Variants in COL25A1 observed in about 807,000 individuals in gnomAD.
The protein encoded by COL25A1 is collagen alpha-1(XXV) chain.
Under a neutral mutation model 128.4 loss-of-function variants are expected in COL25A1, and 103 were observed. The ratio of observed to expected loss-of-function variants is 0.80; its 90% CI spans 0.68 to 0.94. The LOEUF (loss-of-function observed/expected upper bound fraction) is 0.94, where lower values mean the gene tolerates loss of function less well. Ranked by LOEUF, COL25A1 falls within the 40% of genes least tolerant of loss-of-function variation. The pLI is 0.00. For missense variants in COL25A1, 745 were observed against 840.0 expected (o/e 0.89, Z 1.40); for synonymous variants, 279 against 277.2 (o/e 1.01, Z -0.06).
chr4:108,819,824 T>C (rs1731607875), intron 35 of COL25A1: 3 of 1,230,930 alleles, frequency 2.4e-6, no homozygotes, highest in Admixed American at 4.2e-5. Context: ...ACGGGCAGGG[T>C]GCATCTAATC....
intron 3 of COL25A1, among the ~76,000 whole-genome samples, chr4:109,228,060 A>G (rs1778921601): frequency 6.6e-6 from 1 of 152,178 alleles, no homozygotes; most frequent in East Asian, 1.9e-4. Context: ...CCCCAGCGGC[A>G]GAAGAAAAGT....
intron 3 of COL25A1, among the ~76,000 whole-genome samples, chr4:109,108,123 G>A (rs1225186926): frequency 6.6e-6 from 1 of 152,146 alleles, no homozygotes; most frequent in African/African-American, 2.4e-5. Context: ...TTGGTGTGCT[G>A]CACCCACTAA....
chr4:108,870,078 C>T (rs920082441), intron 19 of COL25A1, among the ~76,000 whole-genome samples: 6 of 151,910 alleles, frequency 3.9e-5, no homozygotes, highest in Admixed American at 2.6e-4. Flanking sequence ...CATAGGGAGA[C>T]CCCCGTTCTG....
At chr4:108,859,827 C>A in intron 23 of COL25A1, 94 bp from the exon 24 acceptor site, 1 of 809,174 alleles carries the variant, frequency 1.2e-6, no homozygotes, top group East Asian at 2.6e-5. Flanking sequence ...ACAGCTCTCT[C>A]TGAATATCAT....
intron 3 of COL25A1, among the ~76,000 whole-genome samples, chr4:109,139,009 T>C (rs1188022982): frequency 1.3e-5 from 2 of 152,170 alleles, no homozygotes; most frequent in Non-Finnish European, 2.9e-5. Flanking sequence ...ACCCAGCCTT[T>C]TCTAACTGGC....
At chr4:108,823,822 C>T (rs984932669) in intron 35 of COL25A1, 19 of 979,424 alleles carry the variant, frequency 1.9e-5, no homozygotes, top group South Asian at 1.0e-4. Flanking sequence ...GTTCAATGAG[C>T]TCTGCCAAAT....
chr4:108,870,289 C>T (rs1578607286), intron 19 of COL25A1, among the ~76,000 whole-genome samples: 1 of 151,986 alleles, frequency 6.6e-6, no homozygotes, highest in Non-Finnish European at 1.5e-5. Flanking sequence ...ACTAAAATGT[C>T]ATCAAATATT....
intron 3 of COL25A1, among the ~76,000 whole-genome samples, chr4:109,095,329 C>G (rs1765297803): frequency 6.6e-6 from 1 of 152,080 alleles, no homozygotes; most frequent in Admixed American, 6.5e-5. Context: ...TTCTTTAGAA[C>G]AAAGTAGATG....
At chr4:109,236,953 G>A (rs1779520245) in intron 3 of COL25A1, among the ~76,000 whole-genome samples, 1 of 151,906 alleles carries the variant, frequency 6.6e-6, no homozygotes, top group African/African-American at 2.4e-5. Flanking sequence ...TTGTTATACA[G>A]TTTCACATTA....
intron 8 of COL25A1, among the ~76,000 whole-genome samples, chr4:108,966,026 C>T (rs182451760): frequency 3.9e-5 from 6 of 152,198 alleles, no homozygotes; most frequent in African/African-American, 9.6e-5. Context: ...ATAATATATA[C>T]AATTTTCGAA....
At chr4:109,057,008 T>C (rs1320582204) in intron 3 of COL25A1, among the ~76,000 whole-genome samples, 1 of 152,092 alleles carries the variant, frequency 6.6e-6, no homozygotes, top group Non-Finnish European at 1.5e-5. Flanking sequence ...TACAGGCACA[T>C]ACCACCACAA....
intron 3 of COL25A1, among the ~76,000 whole-genome samples, chr4:109,293,770 T>G (rs370371376): frequency 2.0e-5 from 3 of 152,172 alleles, no homozygotes; most frequent in South Asian, 4.1e-4. Flanking sequence ...AAATAAAAAA[T>G]GCGCTTCAAA....
intron 31 of COL25A1, among the ~76,000 whole-genome samples, chr4:108,832,978 A>AATAAATAAATAAATAAATACATAC (rs1205113423): frequency 2.1e-4 from 32 of 151,056 alleles, no homozygotes; most frequent in East Asian, 1.2e-3. Flanking sequence ...AAAAATAATA[A>AATAAATAAATAAATAAATACATAC]ATAAATAAAT....
intron 12 of COL25A1, among the ~76,000 whole-genome samples, chr4:108,919,638 T>TG (rs1745270763): frequency 6.6e-6 from 1 of 152,072 alleles, no homozygotes; most frequent in South Asian, 2.1e-4. Flanking sequence ...GGTGTAAGGA[T>TG]GGGGGAATGA....
At chr4:109,218,466 A>G (rs1778210040) in intron 3 of COL25A1, among the ~76,000 whole-genome samples, 1 of 149,852 alleles carries the variant, frequency 6.7e-6, no homozygotes, top group South Asian at 2.1e-4. Context: ...ACCCAGGACA[A>G]TCCAGCCTCT....
intron 34 of COL25A1, 57 bp from the exon 35 acceptor site, chr4:108,824,284 A>G: frequency 8.6e-7 from 1 of 1,157,244 alleles, no homozygotes; most frequent in Non-Finnish European, 1.3e-6. Flanking sequence ...GCAAAATCAT[A>G]TAGAAACAAA....
intron 5 of COL25A1, among the ~76,000 whole-genome samples, chr4:109,019,373 CACAT>C (rs1191102767): frequency 0.043 from 1,382 of 31,846 alleles, 47 homozygotes; most frequent in Non-Finnish European, 0.05. Flanking sequence ...CACACACACA[CACAT>C]ATATATATAT....
intron 18 of COL25A1, among the ~76,000 whole-genome samples, chr4:108,885,021 A>G (rs1000306829): frequency 3.3e-5 from 5 of 152,228 alleles, no homozygotes; most frequent in African/African-American, 1.2e-4. Context: ...AGTATAAAGG[A>G]ATCTCAGGAG....
chr4:109,234,686 G>A (rs1779357444), intron 3 of COL25A1, among the ~76,000 whole-genome samples: 3 of 151,984 alleles, frequency 2.0e-5, no homozygotes, highest in Admixed American at 1.3e-4. Context: ...AAGAACACCA[G>A]CAAAAATGGT....
Sources: gnomAD v4.1 joint callset for allele counts (sites outside exome capture counted in the v4.1 genomes callset) on GRCh38, gnomAD v4.1.1 for gene constraint, MANE v1.5 for transcripts, NCBI Gene and HGNC (gene_info 2026-07-23, HGNC 2026-07-21) for gene names.